UTRN: variants seen among roughly 807,000 people sequenced by gnomAD.
UTRN encodes utrophin.
UTRN carries 283 observed loss-of-function variants against 463.9 expected under a neutral mutation model. The observed-to-expected ratio is 0.61, with a 90% CI of 0.55 to 0.67. The LOEUF (loss-of-function observed/expected upper bound fraction) is 0.67. UTRN is among the 30% of genes least tolerant of loss of function. The pLI, the probability that UTRN is intolerant of heterozygous loss-of-function variation, is 0.00. For missense variants in UTRN, 3,922 were observed against 4,084.3 expected (o/e 0.96, Z 1.08); for synonymous variants, 1,442 against 1,431.5 (o/e 1.01, Z -0.17).
intron 52 of UTRN, among the ~76,000 whole-genome samples, chr6:144,693,252 T>C (rs999202693): frequency 1.3e-5 from 2 of 152,190 alleles, no homozygotes; most frequent in South Asian, 4.1e-4. Context: ...TTGGTCTATG[T>C]GTCTATTTTT....
chr6:144,561,205 TTATATATATATATATATA>T (rs1162903466), intron 50 of UTRN, among the ~76,000 whole-genome samples: 2,076 of 60,136 alleles, frequency 0.035, 90 homozygotes, highest in African/African-American at 0.058. Context: ...AAAAATAACA[TTATATATATATATATATA>T]TATATATATA....
chr6:144,696,072 TA>T (rs1198432671), intron 52 of UTRN, among the ~76,000 whole-genome samples: 2 of 152,218 alleles, frequency 1.3e-5, no homozygotes, highest in African/African-American at 4.8e-5. Flanking sequence ...GGCACCTTTT[TA>T]AAAGCCCGTA....
intron 64 of UTRN, among the ~76,000 whole-genome samples, chr6:144,802,541 A>G (rs981537086): frequency 1.3e-5 from 2 of 152,218 alleles, no homozygotes; most frequent in African/African-American, 2.4e-5. Flanking sequence ...TGCAAGTACA[A>G]GTCAATGTGC....
At chr6:144,733,293 C>T (rs544155609) in intron 54 of UTRN, among the ~76,000 whole-genome samples, 17 of 152,138 alleles carry the variant, frequency 1.1e-4, no homozygotes, top group African/African-American at 2.4e-4. Context: ...CCGAGGCAGG[C>T]GGATCATGAG....
chr6:144,421,109 C>A (rs893300910), intron 3 of UTRN, among the ~76,000 whole-genome samples: 4 of 152,106 alleles, frequency 2.6e-5, no homozygotes, highest in African/African-American at 9.7e-5. Context: ...TGGGTTCAAG[C>A]AACTCTCCTG....
At chr6:144,393,843 T>G (rs1584586144) in intron 2 of UTRN, among the ~76,000 whole-genome samples, 1 of 152,158 alleles carries the variant, frequency 6.6e-6, no homozygotes, top group East Asian at 1.9e-4. Flanking sequence ...ATTGTGGCCC[T>G]TAAGGTTATG....
chr6:144,426,563 G>C, intron 7 of UTRN, 104 bp downstream of exon 7: 4 of 1,182,912 alleles, frequency 3.4e-6, no homozygotes, highest in Non-Finnish European at 4.6e-6. Flanking sequence ...CAGTGCCACT[G>C]CTCTCCTTTC....
chr6:144,403,224 G>C, intron 3 of UTRN, 40 bp downstream of exon 3: 1 of 1,572,232 alleles, frequency 6.4e-7, no homozygotes. Context: ...TTCAGATGCC[G>C]CATTCTGATT....
chr6:144,632,957 G>A (rs1475278946), intron 51 of UTRN, among the ~76,000 whole-genome samples: 1 of 152,040 alleles, frequency 6.6e-6, no homozygotes, highest in African/African-American at 2.4e-5. Context: ...TCAACCTCAG[G>A]TGATCTGCCC....
chr6:144,727,152 A>G (rs1787962982), intron 53 of UTRN, among the ~76,000 whole-genome samples: 1 of 152,164 alleles, frequency 6.6e-6, no homozygotes, highest in African/African-American at 2.4e-5. Flanking sequence ...GCCCCGTAAT[A>G]GTTTTATATT....
intron 54 of UTRN, among the ~76,000 whole-genome samples, chr6:144,743,232 G>GT (rs1266273074): frequency 2.6e-5 from 4 of 152,080 alleles, no homozygotes; most frequent in East Asian, 1.9e-4. Context: ...GCTTTAAAAC[G>GT]TAAGTGTAGA....
chr6:144,794,801 G>A (rs1777067794), intron 63 of UTRN, among the ~76,000 whole-genome samples: 1 of 152,180 alleles, frequency 6.6e-6, no homozygotes, highest in Non-Finnish European at 1.5e-5. Flanking sequence ...CCACCTTCTG[G>A]TTCATTGCAA....
chr6:144,546,159 G>T (rs961990134), intron 46 of UTRN, among the ~76,000 whole-genome samples: 1 of 152,174 alleles, frequency 6.6e-6, no homozygotes, highest in African/African-American at 2.4e-5. Context: ...ATTCTGTAGG[G>T]TGTATATCTA....
rs544041470 is a variant in UTRN, at chr6:144,422,138, C to G, written c.234+168C>G. 2.2e-4 allele frequency among the ~76,000 whole-genome samples: 33 copies of G among 152,264 alleles called. No homozygotes were observed. The South Asian group carries it at 6.8e-3, about 32-fold the overall frequency. On this transcript the variant is annotated intron_variant, in intron 4 of 74. Transcript: ENST00000367545. Reference sequence around the variant, plus strand: ...AAGCATTTTAATGAGTGCTTTGATACAACAACATTTTGGCTCTTCTGAGGG... The same window carrying G: ...AAGCATTTTAATGAGTGCTTTGATAGAACAACATTTTGGCTCTTCTGAGGG...
rs746275709 is a variant in UTRN at position 144,548,744 on chromosome 6, A to T, written c.6700A>T (p.Thr2234Ser). The change falls in exon 47 of 75, where the codon ACT becomes TCT. Residue 2234 changes from threonine (T) to serine (S), a missense_variant. Thr to Ser is a moderately conservative substitution (Grantham distance 58, BLOSUM62 1). Around this residue, in one of 3 missense-constraint regions of UTRN, gnomAD observed 2,349 missense variants for 2,303.8 expected, o/e 1.02. Coordinates refer to ENST00000367545, the MANE Select transcript of UTRN (RefSeq NM_007124.3). Reference protein sequence around the residue: ...EISIPADLDKTITELADWLVL... With the variant: ...EISIPADLDKSITELADWLVL... ...TTCAATTCCTGCTGATCTTGATAAA[A>T]CTATAACAGAACTAGCCGACTGGCT... 6 of 1,614,040 alleles carry T rather than the reference A, an allele frequency of 3.7e-6. No individual in the cohort carries two copies. The highest frequency in any genetic ancestry group is 5.1e-6 in the Non-Finnish European group (6 of 1,179,956).
At chr6:144,495,902 A>G (rs6941929) in intron 33 of UTRN, among the ~76,000 whole-genome samples, 55,803 of 152,030 alleles carry the variant, frequency 0.37, 12,894 homozygotes, top group African/African-American at 0.66. Context: ...GGAAATAATA[A>G]TCCCTGTAAA....
intron 50 of UTRN, among the ~76,000 whole-genome samples, chr6:144,572,037 T>C (rs1486457016): frequency 1.3e-5 from 2 of 152,198 alleles, no homozygotes; most frequent in East Asian, 3.9e-4. Context: ...TTGTTTGTTT[T>C]GGTTTGGTTT....
At chr6:144,778,237 C>A (rs542171753) in intron 60 of UTRN, among the ~76,000 whole-genome samples, 1 of 151,924 alleles carries the variant, frequency 6.6e-6, no homozygotes, top group Non-Finnish European at 1.5e-5. Context: ...TTTAAGGCTG[C>A]CTGAGGAAGA....
At chr6:144,301,047 G>A (rs183104271) in intron 2 of UTRN, among the ~76,000 whole-genome samples, 38 of 152,110 alleles carry the variant, frequency 2.5e-4, no homozygotes, top group Non-Finnish European at 3.8e-4. Context: ...TTACCCTAAA[G>A]CCCAGCTTTT....
Sources: gnomAD v4.1 joint callset for allele counts (sites outside exome capture counted in the v4.1 genomes callset) on GRCh38, gnomAD v4.1.1 for gene constraint, gnomAD v4.1.1 regional missense constraint, MANE v1.5 for transcripts, NCBI Gene and HGNC (gene_info 2026-07-23, HGNC 2026-07-21) for gene names.